HOGA1: variants seen among roughly 807,000 people sequenced by gnomAD.
HOGA1 encodes 4-hydroxy-2-oxoglutarate aldolase 1, also known as 4-hydroxy-2-oxoglutarate aldolase, mitochondrial.
In HOGA1, 30 loss-of-function variants were observed where a neutral mutation model predicts 34.3. The ratio of observed to expected loss-of-function variants is 0.87; its 90% CI spans 0.65 to 1.19. The LOEUF (loss-of-function observed/expected upper bound fraction) is 1.19, where lower values mean the gene tolerates loss of function less well. Among genes scored for constraint, HOGA1 ranks in the 50% most tolerant of loss-of-function variants. The pLI is 0.00. For missense variants in HOGA1, 417 were observed against 436.5 expected (o/e 0.96, Z 0.40); for synonymous variants, 161 against 174.0 (o/e 0.93, Z 0.59).
rs111974576 is a variant in HOGA1 at position 97,591,413 on chromosome 10, C to CTTAAT, written c.211+6527_211+6531dup. Among the ~76,000 whole-genome samples the CTTAAT allele has an allele frequency of 5.1e-3, 770 of 152,128 alleles. 4 individuals carry two copies. The highest frequency in any genetic ancestry group is 9.4e-3 in the African/African-American group (391 of 41,476). On this transcript the variant is annotated intron_variant, in intron 1 of 6. Transcript: ENST00000370646. ...CAACACTTTCTTCTTGTTTGTTTAACTTAATTTAATTTAATTTAATTTAAT... is the reference window on the plus strand; with the variant it reads ...CAACACTTTCTTCTTGTTTGTTTAACTTAATTTAATTTAATTTAATTTAATTTAAT...
intron 1 of HOGA1, among the ~76,000 whole-genome samples, chr10:97,589,271 T>C (rs2040998163): frequency 6.6e-6 from 1 of 151,932 alleles, no homozygotes; most frequent in African/African-American, 2.4e-5. Context: ...GAGGATGGAA[T>C]ATGCCAGGCT....
chr10:97,586,807 G>C (rs928270523), intron 1 of HOGA1, among the ~76,000 whole-genome samples: 2 of 152,132 alleles, frequency 1.3e-5, no homozygotes, highest in African/African-American at 4.8e-5. Flanking sequence ...GCTGTGGGCT[G>C]CACATACCCA....
At chr10:97,607,883 A>T (rs1257881017) in intron 6 of HOGA1, among the ~76,000 whole-genome samples, 2 of 152,200 alleles carry the variant, frequency 1.3e-5, no homozygotes, top group African/African-American at 4.8e-5. Context: ...TAAAACTCAC[A>T]GCACTATTTT....
chr10:97,607,593 G>T, intron 6 of HOGA1, among the ~76,000 whole-genome samples: 1 of 152,114 alleles, frequency 6.6e-6, no homozygotes, highest in East Asian at 1.9e-4. Context: ...TGGGTCTCTA[G>T]GTCCCTTGTT....
intron 1 of HOGA1, among the ~76,000 whole-genome samples, chr10:97,596,919 C>A (rs761912565): frequency 2.0e-5 from 3 of 152,140 alleles, no homozygotes; most frequent in Non-Finnish European, 4.4e-5. Flanking sequence ...TTCTCCGGGG[C>A]AGTTGCTTTG....
intron 6 of HOGA1, among the ~76,000 whole-genome samples, chr10:97,605,882 C>T (rs140213411): frequency 3.3e-5 from 5 of 152,164 alleles, no homozygotes; most frequent in Admixed American, 6.5e-5. Context: ...TACAGCTTGT[C>T]GTTTCATTAC....
chr10:97,607,667 T>C (rs1338712496), intron 6 of HOGA1, among the ~76,000 whole-genome samples: 2 of 152,126 alleles, frequency 1.3e-5, no homozygotes, highest in Non-Finnish European at 2.9e-5. Flanking sequence ...CAGATATATA[T>C]ATAATTTTTT....
chr10:97,605,033 T>A (rs2041146500), intron 6 of HOGA1, among the ~76,000 whole-genome samples: 1 of 151,920 alleles, frequency 6.6e-6, no homozygotes, highest in African/African-American at 2.4e-5. Context: ...GGTTTTCGTG[T>A]GTCCATAAGT....
intron 1 of HOGA1, among the ~76,000 whole-genome samples, chr10:97,595,918 C>G (rs2041067237): frequency 6.6e-6 from 1 of 152,326 alleles, no homozygotes; most frequent in East Asian, 1.9e-4. Context: ...CAGGCTCACA[C>G]CTGGACATCT....
intron 6 of HOGA1, among the ~76,000 whole-genome samples, chr10:97,609,257 G>T (rs760113151): frequency 6.6e-6 from 1 of 152,114 alleles, no homozygotes; most frequent in African/African-American, 2.4e-5. Context: ...GACAGGAAAC[G>T]GAGCGGCTTC....
At chr10:97,609,986 C>T (rs1380943422) in intron 6 of HOGA1, among the ~76,000 whole-genome samples, 1 of 152,184 alleles carries the variant, frequency 6.6e-6, no homozygotes, top group Non-Finnish European at 1.5e-5. Flanking sequence ...CCCAAACAAC[C>T]TTTTATTTTT....
At chr10:97,590,727 CG>C in intron 1 of HOGA1, 1 of 690,572 alleles carries the variant, frequency 1.4e-6, no homozygotes, top group Non-Finnish European at 2.5e-6. Context: ...AGGCTCCTCA[CG>C]GGGATTATGG....
At chr10:97,601,798 G>A (rs2041118833) in intron 5 of HOGA1, 59 bp from the exon 6 acceptor site, 6 of 1,607,234 alleles carry the variant, frequency 3.7e-6, no homozygotes, top group Non-Finnish European at 5.1e-6. Flanking sequence ...TGGGACCAGG[G>A]CTTGGGATGC....
At chr10:97,594,168 CTTTTTTTTTTTT>C (rs71007354) in intron 1 of HOGA1, among the ~76,000 whole-genome samples, 1 of 43,432 alleles carries the variant, frequency 2.3e-5, no homozygotes, top group Admixed American at 3.7e-4. Context: ...TGCGCCTGGT[CTTTTTTTTTTTT>C]TTTTTTTTTT....
At chr10:97,607,105 T>TA (rs754597119) in intron 6 of HOGA1, among the ~76,000 whole-genome samples, 13,092 of 131,674 alleles carry the variant, frequency 0.099, 1,106 homozygotes, top group African/African-American at 0.22. Flanking sequence ...CCCCATCTCT[T>TA]AAAAAAAAAA....
intron 1 of HOGA1, among the ~76,000 whole-genome samples, chr10:97,589,498 G>A (rs2040999995): frequency 6.6e-6 from 1 of 151,894 alleles, no homozygotes; most frequent in Non-Finnish European, 1.5e-5. Flanking sequence ...GAAGGACTCA[G>A]AATTGGAGAA....
In HOGA1 at chr10:97,600,123, G is replaced by C. The variant is rs2135722531; in HGVS notation, c.660G>C (p.Leu220Phe). Residue 220 changes from leucine (L) to phenylalanine (F), a missense_variant, in exon 5 of 7, where the codon TTG becomes TTC. Transcript: ENST00000370646. The part of the protein sequence containing the change: ...HKTRKQDFQV[L>F]AGSAGFLMAS... ...CCAGGAAGCAGGATTTTCAGGTGTT[G>C]GCTGGATCGGCTGGCTTTCTGATGG... 6.2e-7 allele frequency: 1 copy of C among 1,614,170 alleles called. No homozygotes were observed. The highest frequency in any genetic ancestry group is 8.5e-7 in the Non-Finnish European group (1 of 1,180,036).
intron 1 of HOGA1, among the ~76,000 whole-genome samples, chr10:97,598,403 C>T (rs1007888045): frequency 7.9e-5 from 12 of 152,228 alleles, no homozygotes; most frequent in Non-Finnish European, 1.6e-4. Flanking sequence ...GCTACGTGTG[C>T]TTTTATGAAC....
rs148094180 is a variant in HOGA1, at chr10:97,598,800, C to A, written c.237C>A (p.Gly79=). 1 of 1,614,134 alleles carries A rather than the reference C, an allele frequency of 6.2e-7. No individual in the cohort carries two copies. Among genetic ancestry groups the A allele is most frequent in the South Asian group, 1.1e-5 (1 of 91,076 alleles). ...FRGFVVQGSN[G]EFPFLTSSER... ...GCTTCGTGGTCCAGGGCTCCAATGG[C>A]GAGTTTCCTTTCCTGACCAGCAGTG... Residue 79 remains glycine (G), a synonymous_variant, in exon 2 of 7, where the codon GGC becomes GGA. Coordinates refer to ENST00000370646, the MANE Select transcript of HOGA1 (RefSeq NM_138413.4).
Sources: gnomAD v4.1 joint callset for allele counts (sites outside exome capture counted in the v4.1 genomes callset) on GRCh38, gnomAD v4.1.1 for gene constraint, MANE v1.5 for transcripts, NCBI Gene and HGNC (gene_info 2026-07-23, HGNC 2026-07-21) for gene names.